ZNF266: variants seen among roughly 807,000 people sequenced by gnomAD.
ZNF266 encodes zinc finger protein 1.
In ZNF266, 16 loss-of-function variants were observed where a neutral mutation model predicts 16.4. That is an observed-to-expected ratio of 0.98 (90% CI 0.66 to 1.48). ZNF266 has a LOEUF of 1.48. ZNF266 is among the 40% of genes most tolerant of loss of function. ZNF266 has a pLI of 0.00. For synonymous variants in ZNF266, 262 were observed against 237.9 expected, an observed-to-expected ratio of 1.10 and a Z score of -0.93; for missense variants, 738 against 689.1, an observed-to-expected ratio of 1.07 and a Z score of -0.79.
intron 5 of ZNF266, among the ~76,000 whole-genome samples, chr19:9,427,252 A>G (rs184544737): frequency 8.6e-4 from 130 of 151,366 alleles, no homozygotes; most frequent in African/African-American, 3.0e-3. Flanking sequence ...TATTATTAAA[A>G]CTCCTGATTT....
chr19:9,431,221 T>C (rs964902150), intron 5 of ZNF266, among the ~76,000 whole-genome samples: 1 of 152,114 alleles, frequency 6.6e-6, no homozygotes, highest in Non-Finnish European at 1.5e-5. Flanking sequence ...TGTGAGGGCA[T>C]TGGAGGGTGC....
At chr19:9,431,144 G>C (rs1307036405) in intron 5 of ZNF266, among the ~76,000 whole-genome samples, 1 of 152,186 alleles carries the variant, frequency 6.6e-6, no homozygotes, top group Non-Finnish European at 1.5e-5. Flanking sequence ...GGGGACATGG[G>C]ATGGACACTG....
chr19:9,419,378 C>T (rs763433422), intron 6 of ZNF266, 79 bp from the exon 7 acceptor site: 1 of 152,922 alleles, frequency 6.5e-6, no homozygotes, highest in African/African-American at 2.4e-5. Flanking sequence ...GTCATTCCAT[C>T]CTACTGTGAG....
At position 9,416,615 on chromosome 19, in the gene ZNF266, C is replaced by T. The variant is rs139557392; in HGVS notation, c.317-873G>A. Among the ~76,000 whole-genome samples, 33 of 146,944 alleles carry T rather than the reference C, an allele frequency of 2.2e-4. No individual in the cohort carries two copies. In the East Asian group the frequency reaches 5.6e-3, roughly 25 times the overall value. The stretch of plus-strand genomic sequence containing the variant: ...CTGACATCAGGTGATCCTCCCACCT[C>T]GGCCTCCCAAAGTTCTGGGATTACA... On this transcript the variant is annotated intron_variant, in intron 9 of 10. Transcript: ENST00000592904.
chr19:9,426,843 T>C (rs1327883906), intron 5 of ZNF266, among the ~76,000 whole-genome samples: 1 of 151,988 alleles, frequency 6.6e-6, no homozygotes, highest in Admixed American at 6.5e-5. Flanking sequence ...AAAAAATAGG[T>C]ACGCCTCGCT....
intron 6 of ZNF266, chr19:9,419,637 C>T (rs1472214591): frequency 1.3e-5 from 2 of 152,260 alleles, no homozygotes; most frequent in African/African-American, 2.4e-5. Flanking sequence ...TGATGGCTCA[C>T]ACCTGTAATC....
In ZNF266 at chr19:9,412,935, T is replaced by C. The variant is rs1282167188; in HGVS notation, c.*340A>G. The C allele has an allele frequency of 1.6e-5, 4 of 257,656 alleles. No homozygotes were observed. The highest frequency in any genetic ancestry group is 1.7e-4 in the East Asian group (2 of 11,778). The allele number at this position is 257,656 out of a possible 1,614,324, so 16.0% of individuals were successfully genotyped here. On this transcript the variant is annotated 3_prime_UTR_variant, in exon 11 of 11. Coordinates refer to ENST00000592904, the MANE Select transcript of ZNF266 (RefSeq NM_001370374.1). ...GGGCTTACAAATATGGAGTGGGGCA[T>C]CATCCAGACCATACCATTTAAATTG...
Position 9,413,947 on chromosome 19 carries a change from A to G in ZNF266, c.1179T>C (p.Cys393=). The G allele has an allele frequency of 6.2e-7, 1 of 1,614,226 alleles. No individual in the cohort carries two copies. The highest frequency in any genetic ancestry group is 8.5e-7 in the Non-Finnish European group (1 of 1,180,032). Residue 393 remains cysteine, a synonymous_variant, in exon 11 of 11, where the codon TGT becomes TGC. Coordinates refer to ENST00000592904, the MANE Select transcript of ZNF266 (RefSeq NM_001370374.1). ...TTCTAAAGGATTTTCCACATATCTTACATTCAAAGGGATCCTTTGCAGTGT... is the reference window on the plus strand; with the variant it reads ...TTCTAAAGGATTTTCCACATATCTTGCATTCAAAGGGATCCTTTGCAGTGT... ...KTHTAKDPFE[C]KICGKSFRNS...
chr19:9,414,842 T>TA lies in ZNF266; in HGVS notation c.406-123dup, dbSNP rs1205116997. ...ATGTTTACCATTTTCATTACACACA[T>TA]ATAAGTAATGCCCTTTTGATTTCTT... On this transcript the variant is annotated intron_variant, in intron 10 of 10. Transcript: ENST00000592904. The TA allele has an allele frequency of 5.2e-6, 6 of 1,143,308 alleles. No homozygotes were observed. In the African/African-American group the frequency reaches 9.3e-5, roughly 18 times the overall value. 70.8% of individuals were successfully genotyped at this position (1,143,308 alleles called of 1,614,324 possible).
intron 5 of ZNF266, among the ~76,000 whole-genome samples, chr19:9,429,418 C>T (rs986340873): frequency 2.6e-5 from 4 of 152,064 alleles, no homozygotes; most frequent in Non-Finnish European, 4.4e-5. Context: ...ACATATCATT[C>T]TGTTAACGGT....
At chr19:9,417,789 T>C in intron 9 of ZNF266, 39 bp downstream of exon 9, 1 of 1,558,908 alleles carries the variant, frequency 6.4e-7, no homozygotes, top group Non-Finnish European at 8.8e-7. Flanking sequence ...ATAAACATAC[T>C]GAACTTATTG....
At chr19:9,415,341 G>A (rs7258150) in intron 10 of ZNF266, among the ~76,000 whole-genome samples, 85,432 of 152,016 alleles carry the variant, frequency 0.56, 24,249 homozygotes, top group Middle Eastern at 0.63. Flanking sequence ...AGCATCCCCA[G>A]GTCATCGTAT....
rs1164732979 is a variant in ZNF266 at position 9,413,635 on chromosome 19, G to A, written c.1491C>T (p.His497=). The A allele has an allele frequency of 1.9e-6, 3 of 1,614,120 alleles. 1 individual carries two copies. ...GGCACTCAAAGGGCTTCTCTCCAGT[G>A]TGAATTCTCAAATGTCCACTAAGAT... is the stretch of plus-strand genomic sequence containing the variant. ...SSNLSGHLRI[H]TGEKPFECLE... The change falls in exon 11 of 11, where the codon CAC becomes CAT. Residue 497 remains histidine (H), a synonymous_variant. Transcript: ENST00000592904.
intron 9 of ZNF266, among the ~76,000 whole-genome samples, chr19:9,415,988 T>C (rs1436117887): frequency 6.6e-6 from 1 of 152,064 alleles, no homozygotes; most frequent in South Asian, 2.1e-4. Context: ...AACGCCCAGC[T>C]AATTTTTGTA....
At chr19:9,420,968 CAT>C (rs1229807846) in intron 5 of ZNF266, among the ~76,000 whole-genome samples, 1 of 152,110 alleles carries the variant, frequency 6.6e-6, no homozygotes, top group Admixed American at 6.5e-5. Context: ...TCACTACCCA[CAT>C]GTGTTATTGA....
At chr19:9,425,281 C>T (rs1032366612) in intron 5 of ZNF266, among the ~76,000 whole-genome samples, 15 of 152,212 alleles carry the variant, frequency 9.9e-5, no homozygotes, top group African/African-American at 3.6e-4. Context: ...GGTTGAACAC[C>T]CGGCTGTCTC....
At chr19:9,432,310 G>T (rs1308963033) in intron 5 of ZNF266, among the ~76,000 whole-genome samples, 2 of 152,176 alleles carry the variant, frequency 1.3e-5, no homozygotes, top group East Asian at 3.8e-4. Context: ...TGTAGGGCAT[G>T]TATGTGTATA....
At chr19:9,434,546 A>C (rs1297943793) in intron 3 of ZNF266, among the ~76,000 whole-genome samples, 1 of 152,252 alleles carries the variant, frequency 6.6e-6, no homozygotes, top group Non-Finnish European at 1.5e-5. Context: ...TATAACGGAT[A>C]AACAGTGTCT....
rs1186974806 is a variant in ZNF266 at position 9,413,278 on chromosome 19, T to C, written c.1848A>G (p.Ala616=). 2 of 1,576,608 alleles carry C rather than the reference T, an allele frequency of 1.3e-6. No individual in the cohort carries two copies. The highest frequency in any genetic ancestry group is 1.2e-5 in the South Asian group (1 of 83,988). Reference sequence around the variant, plus strand: ...CCTTTAGGTTTTCCCACATTCCTTATGCTGACAGTCTCTCATCCGCATGCC... The same window carrying C: ...CCTTTAGGTTTTCCCACATTCCTTACGCTGACAGTCTCTCATCCGCATGCC... The part of the protein sequence containing the change: ...ERRHADERLS[A] Residue 616 remains alanine, a synonymous_variant, in exon 11 of 11, where the codon GCA becomes GCG. Coordinates refer to ENST00000592904, the MANE Select transcript of ZNF266 (RefSeq NM_001370374.1).
Sources: gnomAD v4.1 joint callset for allele counts (sites outside exome capture counted in the v4.1 genomes callset) on GRCh38, gnomAD v4.1.1 for gene constraint, MANE v1.5 for transcripts, NCBI Gene and HGNC (gene_info 2026-07-23, HGNC 2026-07-21) for gene names.